OR2L13: variants seen among roughly 807,000 people sequenced by gnomAD.
The protein encoded by OR2L13 is olfactory receptor 2L13.
Under a neutral mutation model 15.3 loss-of-function variants are expected in OR2L13, and 14 were observed. The ratio of observed to expected loss-of-function variants is 0.91; its 90% CI spans 0.60 to 1.43. OR2L13 has a LOEUF of 1.43. Among genes scored for constraint, OR2L13 ranks in the 40% most tolerant of loss-of-function variants. OR2L13 has a pLI of 0.00. For synonymous variants in OR2L13, 152 were observed against 142.9 expected (o/e 1.06, Z -0.45); for missense variants, 367 against 387.9 (o/e 0.95, Z 0.45).
At chr1:248,083,467 C>T in the OR2L13 span, 43,340 of 615,172 alleles carry the variant, frequency 0.07, 2,021 homozygotes, top group African/African-American at 0.17. Flanking sequence ...CACATAAATG[C>T]TCAAAAATGG....
chr1:247,954,161 G>A, the OR2L13 span, among the ~76,000 whole-genome samples: 1 of 152,166 alleles, frequency 6.6e-6, no homozygotes, highest in East Asian at 1.9e-4. Flanking sequence ...TGAGGTGGAG[G>A]TGATCCCTCA....
the OR2L13 span, among the ~76,000 whole-genome samples, chr1:248,069,982 T>C: frequency 1.3e-5 from 2 of 151,962 alleles, no homozygotes; most frequent in Non-Finnish European, 2.9e-5. Context: ...AAGCAAGTCC[T>C]GAGTGACCTA....
At chr1:247,947,001 C>A in the OR2L13 span, among the ~76,000 whole-genome samples, 3 of 152,108 alleles carry the variant, frequency 2.0e-5, no homozygotes, top group Non-Finnish European at 4.4e-5. Flanking sequence ...CTGTATGAAT[C>A]CCCTCATTTT....
chr1:247,956,100 C>T, the OR2L13 span, among the ~76,000 whole-genome samples: 1 of 147,310 alleles, frequency 6.8e-6, no homozygotes, highest in South Asian at 2.3e-4. Flanking sequence ...GTCTTTAATC[C>T]ATCTTGAATT....
the OR2L13 span, chr1:248,022,509 T>C: frequency 6.2e-7 from 1 of 1,614,226 alleles, no homozygotes; most frequent in Non-Finnish European, 8.5e-7. Context: ...GACATTAGCC[T>C]GTACAGACAC....
chr1:247,963,650 G>A, the OR2L13 span, among the ~76,000 whole-genome samples: 5 of 152,166 alleles, frequency 3.3e-5, no homozygotes, highest in South Asian at 1.0e-3. Context: ...ATAGTTATAA[G>A]TAATTAATAT....
the OR2L13 span, among the ~76,000 whole-genome samples, chr1:248,000,019 G>A: frequency 6.6e-6 from 1 of 151,838 alleles, no homozygotes; most frequent in Non-Finnish European, 1.5e-5. Flanking sequence ...CTTGGATTTT[G>A]CAGACTTTTA....
intron 2 of OR2L13, among the ~76,000 whole-genome samples, chr1:248,099,076 T>C (rs1369665422): frequency 1.3e-5 from 2 of 152,242 alleles, no homozygotes; most frequent in African/African-American, 4.8e-5. Context: ...ATTACAATTG[T>C]TCTACTGCTC....
the OR2L13 span, among the ~76,000 whole-genome samples, chr1:248,076,740 G>A: frequency 6.6e-6 from 1 of 152,140 alleles, no homozygotes; most frequent in African/African-American, 2.4e-5. Context: ...AGGAGTTTTT[G>A]GGCTGAGATG....
the OR2L13 span, among the ~76,000 whole-genome samples, chr1:247,943,097 C>A: frequency 6.6e-6 from 1 of 152,100 alleles, no homozygotes; most frequent in East Asian, 1.9e-4. Context: ...TTTATTGATT[C>A]TTCTGTAGAT....
At chr1:248,054,645 T>C in the OR2L13 span, among the ~76,000 whole-genome samples, 1 of 152,140 alleles carries the variant, frequency 6.6e-6, no homozygotes, top group Non-Finnish European at 1.5e-5. Context: ...TCTCTTTGAA[T>C]AGGTCCTTCA....
At chr1:248,003,939 A>G in the OR2L13 span, 500 of 1,613,346 alleles carry the variant, frequency 3.1e-4, 3 homozygotes, top group Non-Finnish European at 2.1e-4. Context: ...CCAACAGAGG[A>G]CAAGGTTCTG....
chr1:248,051,988 G>A, the OR2L13 span, among the ~76,000 whole-genome samples: 1 of 152,108 alleles, frequency 6.6e-6, no homozygotes, highest in East Asian at 1.9e-4. Flanking sequence ...TGCAATTTTT[G>A]ACATTATGAT....
chr1:247,951,973 T>TTGTG, the OR2L13 span, among the ~76,000 whole-genome samples: 9 of 150,088 alleles, frequency 6.0e-5, no homozygotes, highest in African/African-American at 1.7e-4. Context: ...GTGTGTGTGT[T>TTGTG]TGTGTGTGTG....
chr1:247,943,252 T>C, the OR2L13 span, among the ~76,000 whole-genome samples: 21 of 152,076 alleles, frequency 1.4e-4, no homozygotes, highest in Non-Finnish European at 2.5e-4. Context: ...AAGATGGGAA[T>C]AGTAGACACT....
the OR2L13 span, among the ~76,000 whole-genome samples, chr1:247,948,301 G>A: frequency 6.6e-6 from 1 of 152,146 alleles, no homozygotes; most frequent in Non-Finnish European, 1.5e-5. Context: ...AATCTGTAAT[G>A]TATGCATTTA....
chr1:248,046,696 TA>T, the OR2L13 span: 1 of 152,254 alleles, frequency 6.6e-6, no homozygotes, highest in East Asian at 1.9e-4. Flanking sequence ...ATTCTCCAGG[TA>T]AAGAAGGACT....
chr1:247,995,139 A>G, the OR2L13 span, among the ~76,000 whole-genome samples: 3 of 152,178 alleles, frequency 2.0e-5, no homozygotes, highest in African/African-American at 7.2e-5. Context: ...ATTGTTCTCT[A>G]TTCTCATAAA....
the OR2L13 span, among the ~76,000 whole-genome samples, chr1:247,973,209 AC>A: frequency 6.6e-6 from 1 of 152,166 alleles, no homozygotes; most frequent in Non-Finnish European, 1.5e-5. Flanking sequence ...CCATTTGAAA[AC>A]CATAACAAGA....
Sources: gnomAD v4.1 joint callset for allele counts (sites outside exome capture counted in the v4.1 genomes callset) on GRCh38, gnomAD v4.1.1 for gene constraint, MANE v1.5 for transcripts, NCBI Gene and HGNC (gene_info 2026-07-23, HGNC 2026-07-21) for gene names.